Variants in MMP26 observed in about 807,000 individuals in gnomAD.
MMP26 encodes the protein matrix metalloproteinase-26.
In MMP26, 33 loss-of-function variants were observed where a neutral mutation model predicts 31.0. The observed-to-expected ratio is 1.06, with a 90% confidence interval of 0.81 to 1.42. MMP26 has a LOEUF of 1.42. Among genes scored for constraint, MMP26 ranks in the 40% most tolerant of loss-of-function variants. The pLI is 0.00. For missense variants in MMP26, 347 were observed against 316.1 expected (o/e 1.10, Z -0.74); for synonymous variants, 122 against 114.9 (o/e 1.06, Z -0.40).
At chr11:4,936,972 A>C (rs1846124345) in intron 2 of MMP26, among the ~76,000 whole-genome samples, 1 of 152,186 alleles carries the variant, frequency 6.6e-6, no homozygotes, top group Non-Finnish European at 1.5e-5. Context: ...AACTTGAAGA[A>C]ATAATTTAAC....
chr11:4,718,648 A>T (rs1458149888), intron 1 of MMP26: 1 of 154,592 alleles, frequency 6.5e-6, no homozygotes, highest in Non-Finnish European at 1.5e-5. Flanking sequence ...CACTTCCATC[A>T]TTTTCCTGCT....
At chr11:4,827,197 C>T (rs755410486) in intron 2 of MMP26, among the ~76,000 whole-genome samples, 42 of 152,116 alleles carry the variant, frequency 2.8e-4, no homozygotes, top group Non-Finnish European at 2.1e-4. Flanking sequence ...CTAGAAGCAG[C>T]GAATTCACAG....
At chr11:4,822,975 C>T (rs1167574572) in intron 2 of MMP26, among the ~76,000 whole-genome samples, 2 of 152,094 alleles carry the variant, frequency 1.3e-5, no homozygotes, top group African/African-American at 4.8e-5. Flanking sequence ...TTGGTAATTA[C>T]ATTGTTAACA....
At chr11:4,758,125 GGTGAACAAATT>G (rs1187755272) in intron 1 of MMP26, among the ~76,000 whole-genome samples, 1 of 152,060 alleles carries the variant, frequency 6.6e-6, no homozygotes, top group African/African-American at 2.4e-5. Context: ...TTGATTAACT[GGTGAACAAATT>G]GTGAAATATC....
intron 1 of MMP26, among the ~76,000 whole-genome samples, chr11:4,734,758 TTTATATAAG>T (rs1417783406): frequency 1.6e-4 from 25 of 152,072 alleles, no homozygotes; most frequent in African/African-American, 4.1e-4. Context: ...TTACACTCCT[TTTATATAAG>T]CAGGGCATAG....
intron 2 of MMP26, chr11:4,943,164 A>C (rs1846240750): frequency 5.3e-6 from 1 of 188,712 alleles, no homozygotes; most frequent in Admixed American, 5.8e-5. Context: ...ACAAATGACC[A>C]ATGTCCAATA....
rs549541455 is a variant in MMP26, at chr11:4,915,426, G to T, written c.-144-72642G>T. On this transcript the variant is annotated intron_variant, in intron 2 of 7. Transcript: ENST00000380390. The stretch of plus-strand genomic sequence containing the variant: ...CCCAGGACTGTAGGGAGAGTGCAAA[G>T]GGAGAGACCCAGGTCAATCAGAGCC... The T allele has an allele frequency of 1.9e-6, 3 of 1,614,066 alleles. No homozygotes were observed. The East Asian group carries it at 6.7e-5, about 36-fold the overall frequency.
rs577053649 is a variant in MMP26 at position 4,959,165 on chromosome 11, G to A, written c.-144-28903G>A. ...AGGCAGGAGAACGGCGTGAATACGG[G>A]AGGCGGAGCTTGCAGTGAGCTGAGA... On this transcript the variant is annotated intron_variant, in intron 2 of 7. Coordinates refer to ENST00000380390, the MANE Select transcript of MMP26 (RefSeq NM_021801.5). Among the ~76,000 whole-genome samples the A allele has an allele frequency of 1.6e-4, 24 of 150,478 alleles. No homozygotes were observed. The East Asian group carries it at 4.3e-3, about 27-fold the overall frequency.
intron 2 of MMP26, among the ~76,000 whole-genome samples, chr11:4,960,143 G>A (rs1454992459): frequency 1.4e-5 from 2 of 147,446 alleles, no homozygotes; most frequent in Admixed American, 1.4e-4. Context: ...GAAGCAAATG[G>A]ACATGGCATA....
chr11:4,815,376 G>T (rs367669310), intron 2 of MMP26, among the ~76,000 whole-genome samples: 10 of 152,192 alleles, frequency 6.6e-5, no homozygotes, highest in African/African-American at 2.4e-4. Flanking sequence ...TGAGGCCCAC[G>T]AAGAATTTCC....
In MMP26 at chr11:4,946,969, A is replaced by G. The variant is rs780723057; in HGVS notation, c.-144-41099A>G. ...TCTTGATGATAAAAAGAATGGTGCC[A>G]TTTCCTAGAATAGCAATAAGATACA... On this transcript the variant is annotated intron_variant, in intron 2 of 7. Transcript: ENST00000380390. 13 of 1,601,938 alleles carry G rather than the reference A, an allele frequency of 8.1e-6. No individual in the cohort carries two copies. In the South Asian group the frequency reaches 1.4e-4, roughly 18 times the overall value.
chr11:4,859,053 C>A (rs1294823290), intron 2 of MMP26, among the ~76,000 whole-genome samples: 1 of 152,176 alleles, frequency 6.6e-6, no homozygotes, highest in African/African-American at 2.4e-5. Context: ...CCTCCTTACA[C>A]CTTATGCAAA....
chr11:4,706,543 A>C (rs1847779933), intron 1 of MMP26, among the ~76,000 whole-genome samples: 1 of 144,632 alleles, frequency 6.9e-6, no homozygotes. Flanking sequence ...GCGCCACTGC[A>C]CTCCAGCCTG....
At chr11:4,908,202 T>C (rs560311078) in intron 2 of MMP26, 1 of 1,614,212 alleles carries the variant, frequency 6.2e-7, no homozygotes, top group Admixed American at 1.7e-5. Flanking sequence ...ATTGCAGATA[T>C]GTTCTTGTTG....
intron 2 of MMP26, among the ~76,000 whole-genome samples, chr11:4,969,902 T>A (rs1305659464): frequency 6.6e-6 from 1 of 152,152 alleles, no homozygotes; most frequent in Non-Finnish European, 1.5e-5. Context: ...TTTTGTTTAG[T>A]TTTTTCCTAG....
At chr11:4,809,390 T>C (rs10836694) in intron 2 of MMP26, among the ~76,000 whole-genome samples, 58,288 of 152,090 alleles carry the variant, frequency 0.38, 13,193 homozygotes, top group South Asian at 0.54. Context: ...TCACACTGAG[T>C]GGAGCTCAGT....
rs562776635 is a variant in MMP26, at chr11:4,895,617, T to C, written c.-144-92451T>C. On this transcript the variant is annotated intron_variant, in intron 2 of 7. Coordinates refer to ENST00000380390, the MANE Select transcript of MMP26 (RefSeq NM_021801.5). ...TGAAGTGAAGTGAATAGTGCCAACA[T>C]CAAGGGATAGCTGTAAGATTTAGTG... Among the ~76,000 whole-genome samples the C allele has an allele frequency of 3.9e-5, 6 of 152,290 alleles. No individual in the cohort carries two copies. In the South Asian group the frequency reaches 1.2e-3, roughly 32 times the overall value.
chr11:4,735,866 C>T (rs61883471), intron 1 of MMP26, among the ~76,000 whole-genome samples: 28,498 of 151,966 alleles, frequency 0.19, 2,909 homozygotes, highest in African/African-American at 0.24. Flanking sequence ...CATATAATTT[C>T]GGAGGTTTGG....
chr11:4,783,888 C>G (rs530875035), intron 2 of MMP26, among the ~76,000 whole-genome samples: 14 of 152,334 alleles, frequency 9.2e-5, no homozygotes, highest in Non-Finnish European at 1.8e-4. Context: ...TCGTCTTCCA[C>G]TATGATTGTG....
Sources: allele counts gnomAD v4.1 joint callset (sites outside exome capture counted in the v4.1 genomes callset), GRCh38; gene constraint gnomAD v4.1.1; transcripts MANE v1.5; gene names NCBI Gene and HGNC (gene_info 2026-07-23, HGNC 2026-07-21).